DBX2: variants seen among roughly 807,000 people sequenced by gnomAD.
The protein encoded by DBX2 is developing brain homeobox 2.
In DBX2, 16 loss-of-function variants were observed where a neutral mutation model predicts 17.7. The observed-to-expected ratio is 0.90, with a 90% CI of 0.61 to 1.37. DBX2 has a LOEUF of 1.37. DBX2 is among the 40% of genes most tolerant of loss of function. DBX2 has a pLI of 0.00. For synonymous variants in DBX2, 255 were observed against 183.8 expected (o/e 1.39, Z -3.13); for missense variants, 538 against 433.8 (o/e 1.24, Z -2.13).
chr12:45,037,671 T>A (rs74080462), intron 1 of DBX2, among the ~76,000 whole-genome samples: 2,569 of 152,272 alleles, frequency 0.017, 49 homozygotes, highest in East Asian at 0.048. Context: ...AGACTTGTAT[T>A]TTAACGAACT....
intron 2 of DBX2, among the ~76,000 whole-genome samples, chr12:45,029,602 T>C (rs1454952628): frequency 6.6e-6 from 1 of 152,162 alleles, no homozygotes; most frequent in East Asian, 1.9e-4. Context: ...CAGTGGCTCA[T>C]GCCTGTAATC....
intron 1 of DBX2, among the ~76,000 whole-genome samples, chr12:45,044,592 A>G (rs1360537962): frequency 1.3e-5 from 2 of 152,162 alleles, no homozygotes; most frequent in African/African-American, 4.8e-5. Flanking sequence ...CATCATTTAT[A>G]AACAAGAAGG....
intron 3 of DBX2, among the ~76,000 whole-genome samples, chr12:45,019,511 T>C (rs140333407): frequency 8.1e-4 from 124 of 152,252 alleles, no homozygotes; most frequent in African/African-American, 2.9e-3. Context: ...AATTTTCATA[T>C]GTCAGTATCT....
chr12:45,039,321 A>ATATATATGTG (rs1946458727), intron 1 of DBX2, among the ~76,000 whole-genome samples: 2 of 103,664 alleles, frequency 1.9e-5, no homozygotes, highest in African/African-American at 6.9e-5. Flanking sequence ...ATATATATAT[A>ATATATATGTG]TGTATCACAC....
chr12:45,020,496 G>C (rs1268097872), intron 3 of DBX2, among the ~76,000 whole-genome samples: 3 of 152,004 alleles, frequency 2.0e-5, no homozygotes, highest in Non-Finnish European at 4.4e-5. Flanking sequence ...TAGAAGTTAG[G>C]ATAGAGGATA....
In DBX2 at chr12:45,050,945, T is replaced by G. The variant is rs1946530337; in HGVS notation, c.-18A>C. ...GGGAGCATAGTGCGGCGCCAACCGG[T>G]CTGCTGCGCGCCCGCCTTGCGCCCG... On this transcript the variant is annotated 5_prime_UTR_variant, in exon 1 of 4. Transcript: ENST00000332700. 7.1e-7 allele frequency: 1 copy of G among 1,417,114 alleles called. No individual in the cohort carries two copies. The highest frequency in any genetic ancestry group is 9.2e-7 in the Non-Finnish European group (1 of 1,084,630). The allele number at this position is 1,417,114 out of a possible 1,614,324, so 87.8% of individuals were successfully genotyped here. A position where few individuals can be genotyped will look rare whatever the true frequency, so the allele number is the denominator to read the frequency against.
At chr12:45,034,627 A>T (rs1344322757) in intron 2 of DBX2, among the ~76,000 whole-genome samples, 1 of 152,230 alleles carries the variant, frequency 6.6e-6, no homozygotes, top group African/African-American at 2.4e-5. Flanking sequence ...CTATGTATTC[A>T]GCAAGTCCCT....
At chr12:45,029,934 T>C (rs1946400687) in intron 2 of DBX2, among the ~76,000 whole-genome samples, 1 of 145,444 alleles carries the variant, frequency 6.9e-6, no homozygotes, top group Admixed American at 6.8e-5. Context: ...TGACCTGGGA[T>C]AGAAAACTTT....
Position 45,050,918 on chromosome 12 carries a change from TG to T in DBX2, c.9del (p.Ser4AlafsTer36). ML[P>X]SAVAAHAGAY... ...GCACCGGCGTGGGCTGCGACCGCGC[TG>T]GGGAGCATAGTGCGGCGCCAACCGG... On this transcript the variant is annotated frameshift_variant, in exon 1 of 4. Transcript: ENST00000332700. LOFTEE classifies it high-confidence loss of function. 6.7e-7 allele frequency: 1 copy of T among 1,493,424 alleles called. No homozygotes were observed. The highest frequency in any genetic ancestry group is 1.3e-5 in the South Asian group (1 of 76,968). 92.5% of individuals were successfully genotyped at this position (1,493,424 alleles called of 1,614,324 possible).
intron 3 of DBX2, among the ~76,000 whole-genome samples, chr12:45,019,010 T>C (rs1291251502): frequency 2.0e-5 from 3 of 151,990 alleles, no homozygotes; most frequent in Non-Finnish European, 2.9e-5. Context: ...TGAGTTATTG[T>C]TTAATGGATA....
intron 1 of DBX2, among the ~76,000 whole-genome samples, chr12:45,041,502 T>C (rs964961463): frequency 6.6e-6 from 1 of 152,204 alleles, no homozygotes; most frequent in South Asian, 2.1e-4. Flanking sequence ...AGTAATTTGT[T>C]TATGTGATCT....
rs1946434487 is a variant in DBX2, at chr12:45,035,395, TTGAG to T, written c.499+620_499+623del. On this transcript the variant is annotated intron_variant, in intron 2 of 3. Coordinates refer to ENST00000332700, the MANE Select transcript of DBX2 (RefSeq NM_001004329.3). ...TTACTTTTATGCCTGCATTTTTCCT[TTGAG>T]TGTGAGAGTGTGTGTGTGCACACTG... Among the ~76,000 whole-genome samples the T allele has an allele frequency of 2.0e-5, 3 of 152,210 alleles. No individual in the cohort carries two copies. In the South Asian group the frequency reaches 6.2e-4, roughly 32 times the overall value.
intron 1 of DBX2, among the ~76,000 whole-genome samples, chr12:45,039,882 A>G (rs762025900): frequency 2.0e-5 from 3 of 147,310 alleles, no homozygotes; most frequent in East Asian, 2.0e-4. Context: ...ATGAGAGAGA[A>G]AAAAAAAATG....
intron 3 of DBX2, among the ~76,000 whole-genome samples, chr12:45,017,005 T>G (rs748614302): frequency 1.9e-4 from 29 of 152,030 alleles, no homozygotes; most frequent in Non-Finnish European, 3.1e-4. Context: ...AGGCTGGTCT[T>G]GAACTCCTGA....
At chr12:45,044,880 T>C (rs1002706900) in intron 1 of DBX2, among the ~76,000 whole-genome samples, 1 of 152,068 alleles carries the variant, frequency 6.6e-6, no homozygotes, top group African/African-American at 2.4e-5. Context: ...TCACTCAGCA[T>C]TGCCAAGTTA....
intron 1 of DBX2, among the ~76,000 whole-genome samples, chr12:45,041,828 A>T (rs1490221329): frequency 6.6e-6 from 1 of 152,128 alleles, no homozygotes; most frequent in Admixed American, 6.5e-5. Flanking sequence ...AATAATTTAT[A>T]TTTTTTAATA....
intron 2 of DBX2, among the ~76,000 whole-genome samples, chr12:45,025,513 A>T (rs1946376639): frequency 6.6e-6 from 1 of 151,858 alleles, no homozygotes; most frequent in African/African-American, 2.4e-5. Flanking sequence ...ACAATAGAAA[A>T]CTAATACACT....
chr12:45,025,734 A>G, intron 2 of DBX2, among the ~76,000 whole-genome samples: 1 of 124,364 alleles, frequency 8.0e-6, no homozygotes, highest in East Asian at 2.4e-4. Flanking sequence ...TGAATAAACA[A>G]GTAAATGAAT....
chr12:45,017,434 A>G (rs770638617), intron 3 of DBX2, among the ~76,000 whole-genome samples: 3 of 152,214 alleles, frequency 2.0e-5, no homozygotes, highest in Non-Finnish European at 4.4e-5. Flanking sequence ...CACTGAGACT[A>G]GAATCCATGA....
Sources: gnomAD v4.1 joint callset for allele counts (sites outside exome capture counted in the v4.1 genomes callset) on GRCh38, gnomAD v4.1.1 for gene constraint, MANE v1.5 for transcripts, NCBI Gene and HGNC (gene_info 2026-07-23, HGNC 2026-07-21) for gene names.